The following RFTN2 variants were observed in gnomAD, a reference collection of about 807,000 sequenced individuals.
The protein encoded by RFTN2 is raftlin family member 2, also known as raftlin-2.
In RFTN2, 34 loss-of-function variants were observed where a neutral mutation model predicts 52.7. That is an observed-to-expected ratio of 0.64 (90% CI 0.49 to 0.86). The LOEUF (loss-of-function observed/expected upper bound fraction) is 0.86. Ranked by LOEUF, RFTN2 falls within the 40% of genes least tolerant of loss-of-function variation. The pLI is 0.00. For synonymous variants in RFTN2, 203 were observed against 217.7 expected (o/e 0.93, Z 0.59); for missense variants, 536 against 600.1 (o/e 0.89, Z 1.12).
intron 7 of RFTN2, among the ~76,000 whole-genome samples, chr2:197,615,010 C>A (rs1395281623): frequency 6.6e-6 from 1 of 152,162 alleles, no homozygotes; most frequent in African/African-American, 2.4e-5. Flanking sequence ...ACCTTAATTC[C>A]TTTCCCTACC....
intron 1 of RFTN2, among the ~76,000 whole-genome samples, chr2:197,669,955 C>T (rs1198297247): frequency 6.6e-6 from 1 of 152,112 alleles, no homozygotes; most frequent in Admixed American, 6.5e-5. Context: ...GTTTACTTCC[C>T]AGAATGCAGC....
chr2:197,612,814 T>C (rs1187326249), intron 7 of RFTN2, among the ~76,000 whole-genome samples: 2 of 152,190 alleles, frequency 1.3e-5, no homozygotes, highest in Non-Finnish European at 2.9e-5. Flanking sequence ...CAGGATATAT[T>C]TGAGTGAGGG....
chr2:197,652,345 C>T (rs1208544462), intron 1 of RFTN2, among the ~76,000 whole-genome samples: 15 of 152,134 alleles, frequency 9.9e-5, no homozygotes, highest in South Asian at 4.1e-4. Flanking sequence ...TGAAAGAAAA[C>T]CCTAGCACTT....
intron 1 of RFTN2, among the ~76,000 whole-genome samples, chr2:197,673,626 C>T (rs1039793259): frequency 1.3e-5 from 2 of 152,160 alleles, no homozygotes; most frequent in African/African-American, 4.8e-5. Context: ...CTCTTCTAAG[C>T]ACCTAGAGTG....
intron 8 of RFTN2, among the ~76,000 whole-genome samples, chr2:197,584,107 G>T (rs973741621): frequency 6.6e-6 from 1 of 152,116 alleles, no homozygotes; most frequent in Non-Finnish European, 1.5e-5. Context: ...GTGTCTTCAT[G>T]GCAGCATGAT....
chr2:197,669,899 A>G (rs1301476224), intron 1 of RFTN2, among the ~76,000 whole-genome samples: 1 of 152,130 alleles, frequency 6.6e-6, no homozygotes, highest in Non-Finnish European at 1.5e-5. Flanking sequence ...CCCCTCCGTA[A>G]TACCCTGATT....
intron 3 of RFTN2, among the ~76,000 whole-genome samples, chr2:197,639,669 T>C (rs1486018230): frequency 2.7e-5 from 3 of 111,094 alleles, no homozygotes; most frequent in African/African-American, 1.1e-4. Flanking sequence ...TTTCAACTTC[T>C]TTGCCTTTGG....
chr2:197,662,019 G>A (rs986738896), intron 1 of RFTN2, among the ~76,000 whole-genome samples: 4 of 152,144 alleles, frequency 2.6e-5, no homozygotes, highest in African/African-American at 9.7e-5. Context: ...TGAGTTCCTT[G>A]TGTATATTCT....
chr2:197,602,682 G>C (rs2087897970), intron 7 of RFTN2, among the ~76,000 whole-genome samples: 1 of 152,050 alleles, frequency 6.6e-6, no homozygotes, highest in Admixed American at 6.6e-5. Context: ...GGGACTACAG[G>C]TGTGCGCCAC....
chr2:197,658,974 C>T (rs1012117819), intron 1 of RFTN2, among the ~76,000 whole-genome samples: 2 of 152,040 alleles, frequency 1.3e-5, no homozygotes, highest in African/African-American at 4.8e-5. Flanking sequence ...AAATAAACAT[C>T]AAAGACTTTA....
chr2:197,569,991 T>C lies in RFTN2; in HGVS notation c.*2017A>G, dbSNP rs1188701638. Reference sequence around the variant, plus strand: ...TTCTGAGTTTTTTCTTAGTCAAATATAAATTCCTATCTCTGTTTTTAATTT... The same window carrying C: ...TTCTGAGTTTTTTCTTAGTCAAATACAAATTCCTATCTCTGTTTTTAATTT... On this transcript the variant is annotated 3_prime_UTR_variant, in exon 9 of 9. Transcript: ENST00000295049. 6.7e-6 allele frequency: 1 copy of C among 149,908 alleles called. No homozygotes were observed. Among genetic ancestry groups the C allele is most frequent in the Non-Finnish European group, 1.5e-5 (1 of 67,422 alleles). The allele number at this position is 149,908 out of a possible 1,614,324, so 9.3% of individuals were successfully genotyped here.
intron 5 of RFTN2, among the ~76,000 whole-genome samples, chr2:197,630,285 A>G (rs1445435692): frequency 2.6e-5 from 4 of 152,160 alleles, no homozygotes; most frequent in African/African-American, 7.2e-5. Flanking sequence ...CTCTAACCTC[A>G]TAGATTTAAG....
intron 8 of RFTN2, among the ~76,000 whole-genome samples, chr2:197,576,322 C>G (rs1260869469): frequency 6.6e-6 from 1 of 152,032 alleles, no homozygotes; most frequent in African/African-American, 2.4e-5. Context: ...GGTGTGGTGT[C>G]TGGCCTTTAA....
chr2:197,645,950 C>T (rs929629633), intron 2 of RFTN2, among the ~76,000 whole-genome samples: 4 of 152,138 alleles, frequency 2.6e-5, no homozygotes, highest in Middle Eastern at 3.4e-3. Context: ...CGCTTGAACC[C>T]GGGAGGCAGA....
intron 4 of RFTN2, among the ~76,000 whole-genome samples, chr2:197,632,638 A>G (rs571466192): frequency 6.6e-6 from 1 of 152,296 alleles, no homozygotes; most frequent in South Asian, 2.1e-4. Context: ...TTGCAGAAAA[A>G]TCAGGGACAT....
intron 8 of RFTN2, among the ~76,000 whole-genome samples, chr2:197,591,251 C>T (rs940621677): frequency 8.6e-5 from 13 of 151,734 alleles, no homozygotes; most frequent in African/African-American, 1.2e-4. Context: ...TATAGAGTGC[C>T]GATTGGTGTA....
rs896423574 is a variant in RFTN2, at chr2:197,595,942, T to C, written c.1233+49A>G. ...GGAATTACAATGAGAGTTTAAGGAT[T>C]AAATGCTTCAATATAACATTCAGTT... On this transcript the variant is annotated intron_variant, in intron 8 of 8. Coordinates refer to ENST00000295049, the MANE Select transcript of RFTN2 (RefSeq NM_144629.3). The C allele has an allele frequency of 2.4e-6, 3 of 1,227,234 alleles. No homozygotes were observed. In the Admixed American group the frequency reaches 5.3e-5, roughly 22 times the overall value. The allele number at this position is 1,227,234 out of a possible 1,614,324, so 76.0% of individuals were successfully genotyped here.
At chr2:197,639,083 C>G (rs1431506227) in intron 3 of RFTN2, among the ~76,000 whole-genome samples, 1 of 142,074 alleles carries the variant, frequency 7.0e-6, no homozygotes, top group African/African-American at 2.6e-5. Flanking sequence ...TCTCTTCTGG[C>G]TTGTAGGGTT....
rs1300463899 is a variant in RFTN2 at position 197,647,595 on chromosome 2, C to G, written c.140-929G>C. On this transcript the variant is annotated intron_variant, in intron 1 of 8. Coordinates refer to ENST00000295049, the MANE Select transcript of RFTN2 (RefSeq NM_144629.3). Reference sequence around the variant, plus strand: ...ATGGCATTTATTAGGCAGCACTTGTCAAGGCTTTCTTATTTCTAATTACTC... The same window carrying G: ...ATGGCATTTATTAGGCAGCACTTGTGAAGGCTTTCTTATTTCTAATTACTC... 2.6e-5 allele frequency among the ~76,000 whole-genome samples: 4 copies of G among 152,142 alleles called. No individual in the cohort carries two copies. The East Asian group carries it at 7.7e-4, about 29-fold the overall frequency.
Sources: gnomAD v4.1 joint callset for allele counts (sites outside exome capture counted in the v4.1 genomes callset) on GRCh38, gnomAD v4.1.1 for gene constraint, MANE v1.5 for transcripts, NCBI Gene and HGNC (gene_info 2026-07-23, HGNC 2026-07-21) for gene names.